Variants in PLAGL1 observed in about 807,000 individuals in gnomAD.
PLAGL1 encodes PLAG1 like zinc finger 1, also known as zinc finger protein PLAGL1.
Under a neutral mutation model 4.6 loss-of-function variants are expected in PLAGL1, and 1 was observed. The ratio of observed to expected loss-of-function variants is 0.22; its 90% confidence interval spans 0.08 to 1.03. The LOEUF (loss-of-function observed/expected upper bound fraction) is 1.03. PLAGL1 is among the 50% of genes least tolerant of loss of function. PLAGL1 has a pLI of 0.58. For synonymous variants in PLAGL1, 240 were observed against 237.8 expected, an observed-to-expected ratio of 1.01 and a Z score of -0.08; for missense variants, 464 against 570.4, an observed-to-expected ratio of 0.81 and a Z score of 1.90.
intron 1 of PLAGL1, among the ~76,000 whole-genome samples, chr6:144,032,330 C>T (rs932253154): frequency 2.0e-5 from 3 of 147,744 alleles, no homozygotes; most frequent in Non-Finnish European, 4.5e-5. Flanking sequence ...CACTATGTTG[C>T]CCAGGCTGGT....
chr6:143,950,915 C>T lies in PLAGL1; in HGVS notation c.-324-2455G>A, dbSNP rs1027494604. Among the ~76,000 whole-genome samples, 2 of 152,204 alleles carry T rather than the reference C, an allele frequency of 1.3e-5. No homozygotes were observed. Among genetic ancestry groups the T allele is most frequent in the African/African-American group, 4.8e-5 (2 of 41,450 alleles). ...CTTTAATTTAAATTGCCACATAGTG[C>T]CAGTGGCTGCTGTCCTGGACGGCAC... On this transcript the variant is annotated intron_variant, in intron 6 of 7. Transcript: ENST00000674357. This position sits in a 1 kb window ranked among gnomAD's most constrained non-coding sequence, Gnocchi z 6.3.
chr6:143,964,208 C>T lies in PLAGL1; in HGVS notation c.-399+579G>A, dbSNP rs554853010. Among the ~76,000 whole-genome samples the T allele has an allele frequency of 6.6e-6, 1 of 152,142 alleles. No homozygotes were observed. Among genetic ancestry groups the T allele is most frequent in the Non-Finnish European group, 1.5e-5 (1 of 68,010 alleles). On this transcript the variant is annotated intron_variant, in intron 5 of 7. Transcript: ENST00000674357. This position sits in a 1 kb window ranked among gnomAD's most constrained non-coding sequence, Gnocchi z 4.3. ...AGAAGACAGCTACGTGAAGAGTGTG[C>T]CTCGGGAGGCCAGACCTGAGGCAGG...
At position 143,945,906 on chromosome 6, in the gene PLAGL1, G is replaced by A. The variant is rs1028692548; in HGVS notation, c.152+2079C>T. On this transcript the variant is annotated intron_variant, in intron 7 of 7. Transcript: ENST00000674357. The surrounding 1 kb of genome is among the most constrained non-coding windows in gnomAD (Gnocchi z 4.2). ...AGGCGGTTCTTGCATAAAGTACACT[G>A]ACAGCTTCCCTTTTTGCCTCTCTTT... is the stretch of plus-strand genomic sequence containing the variant. Among the ~76,000 whole-genome samples, 26 of 152,184 alleles carry A rather than the reference G, an allele frequency of 1.7e-4. No homozygotes were observed. Among genetic ancestry groups the A allele is most frequent in the Non-Finnish European group, 2.8e-4 (19 of 68,032 alleles).
chr6:143,955,011 C>T lies in PLAGL1; in HGVS notation c.-325+5458G>A, dbSNP rs917937843. The stretch of plus-strand genomic sequence containing the variant: ...AAGAGACAATATGCAAGACTGGAAT[C>T]ATGGACAGGATATATTCAAAGATGT... On this transcript the variant is annotated intron_variant, in intron 6 of 7. Transcript: ENST00000674357. The surrounding 1 kb of genome is among the most constrained non-coding windows in gnomAD (Gnocchi z 4.9). 6.6e-6 allele frequency among the ~76,000 whole-genome samples: 1 copy of T among 152,110 alleles called. No homozygotes were observed. The highest frequency in any genetic ancestry group is 1.5e-5 in the Non-Finnish European group (1 of 68,020).
At position 144,000,892 on chromosome 6, in the gene PLAGL1, A is replaced by C. The variant is rs79542134; in HGVS notation, c.-584+7198T>G. Among the ~76,000 whole-genome samples the C allele has an allele frequency of 0.047, 7,132 of 152,192 alleles. 535 individuals are homozygous for C. The highest frequency in any genetic ancestry group is 0.15 in the African/African-American group (6,308 of 41,506). ...TATTTGTAATTCTTCATGTCATCAA[A>C]CTAAGAAAAGTCATAATCTCAATAG... On this transcript the variant is annotated intron_variant, in intron 1 of 7. Coordinates refer to ENST00000674357, the MANE Select transcript of PLAGL1 (RefSeq NM_001317162.2). This position sits in a 1 kb window ranked among gnomAD's most constrained non-coding sequence, Gnocchi z 4.1.
intron 1 of PLAGL1, among the ~76,000 whole-genome samples, chr6:144,028,403 GTAAC>G (rs1478476307): frequency 6.6e-6 from 1 of 152,166 alleles, no homozygotes; most frequent in South Asian, 2.1e-4. Flanking sequence ...TGTGTAAACT[GTAAC>G]TCAGTAAAGC....
chr6:144,025,548 C>CT (rs1429545305), intron 1 of PLAGL1, among the ~76,000 whole-genome samples: 1 of 152,120 alleles, frequency 6.6e-6, no homozygotes, highest in Non-Finnish European at 1.5e-5. Flanking sequence ...GCCTTTGCAA[C>CT]TTTTTTGTAA....
In PLAGL1 at chr6:143,994,875, G is replaced by A. The variant is rs12525347; in HGVS notation, c.-583-9701C>T. Among the ~76,000 whole-genome samples the A allele has an allele frequency of 6.6e-6, 1 of 152,090 alleles. No individual in the cohort carries two copies. The highest frequency in any genetic ancestry group is 1.5e-5 in the Non-Finnish European group (1 of 67,998). Reference sequence around the variant, plus strand: ...TCAGTTTCTGATGTGTTTGCTCTTAGCAAATTTGCATTAATTTCAGATTTT... The same window carrying A: ...TCAGTTTCTGATGTGTTTGCTCTTAACAAATTTGCATTAATTTCAGATTTT... On this transcript the variant is annotated intron_variant, in intron 1 of 7. Coordinates refer to ENST00000674357, the MANE Select transcript of PLAGL1 (RefSeq NM_001317162.2). The surrounding 1 kb of genome is among the most constrained non-coding windows in gnomAD (Gnocchi z 4.3).
chr6:143,986,020 C>T (rs1321694549), intron 1 of PLAGL1, among the ~76,000 whole-genome samples: 1 of 91,428 alleles, frequency 1.1e-5, no homozygotes, highest in Non-Finnish European at 2.3e-5. Context: ...ATCATTTAAT[C>T]CTTTTACCAA....
At chr6:144,043,613 C>T (rs1270487748) in intron 1 of PLAGL1, among the ~76,000 whole-genome samples, 1 of 152,146 alleles carries the variant, frequency 6.6e-6, no homozygotes, top group Non-Finnish European at 1.5e-5. Context: ...CGATGTTCAT[C>T]AGGGATATTG....
Position 144,063,826 on chromosome 6 carries a change from G to A in PLAGL1, c.-151+642C>T, listed in dbSNP as rs1029944726. On this transcript the variant is annotated intron_variant, in intron 1 of 3. Transcript: ENST00000437412. This position sits in a 1 kb window ranked among gnomAD's most constrained non-coding sequence, Gnocchi z 5.7. ...CGTGTCCTGCCCGCCCCCATCAGGG[G>A]AGTCCTGCTCTCGAAATTATCCCGC... 3.3e-5 allele frequency among the ~76,000 whole-genome samples: 5 copies of A among 152,184 alleles called. No individual in the cohort carries two copies. Among genetic ancestry groups the A allele is most frequent in the African/African-American group, 1.2e-4 (5 of 41,456 alleles).
chr6:144,062,973 C>T lies in PLAGL1; in HGVS notation c.-151+1495G>A, dbSNP rs146808600. Among the ~76,000 whole-genome samples, 690 of 152,218 alleles carry T rather than the reference C, an allele frequency of 4.5e-3. 6 individuals carry two copies. The highest frequency in any genetic ancestry group is 0.022 in the Admixed American group (344 of 15,296). ...TGAGAAGAGGAAGCAGAAATGGTGC[C>T]TTTTTCAAACCATCCTCCACCGGCT... On this transcript the variant is annotated intron_variant, in intron 1 of 3. Coordinates refer to the PLAGL1 transcript ENST00000437412.
intron 1 of PLAGL1, among the ~76,000 whole-genome samples, chr6:144,057,494 G>A (rs1415049390): frequency 2.0e-5 from 3 of 152,182 alleles, no homozygotes; most frequent in Admixed American, 1.3e-4. Context: ...GTGCCACTGT[G>A]GCATGCTGCA....
At position 144,039,876 on chromosome 6, in the gene PLAGL1, A is replaced by C. The variant is rs564802429; in HGVS notation, c.-151+24592T>G. Among the ~76,000 whole-genome samples, 1 of 152,330 alleles carries C rather than the reference A, an allele frequency of 6.6e-6. No homozygotes were observed. The highest frequency in any genetic ancestry group is 2.1e-4 in the South Asian group (1 of 4,824). On this transcript the variant is annotated intron_variant, in intron 1 of 3. Transcript: ENST00000437412. This position sits in a 1 kb window ranked among gnomAD's most constrained non-coding sequence, Gnocchi z 4.1. ...AAAGGCCAAAAGGTCTATCAACAAG[A>C]AAATTAATACATTGTGGCACATAAT...
In PLAGL1 at chr6:144,059,063, G is replaced by T. The variant is rs1204430493; in HGVS notation, c.-151+5405C>A. 6.6e-6 allele frequency among the ~76,000 whole-genome samples: 1 copy of T among 152,134 alleles called. No homozygotes were observed. Among genetic ancestry groups the T allele is most frequent in the African/African-American group, 2.4e-5 (1 of 41,424 alleles). On this transcript the variant is annotated intron_variant, in intron 1 of 3. Coordinates refer to the PLAGL1 transcript ENST00000437412. This position sits in a 1 kb window ranked among gnomAD's most constrained non-coding sequence, Gnocchi z 4.9. ...TGCCCTACTAGAGTTTCTCTTCAGGGTCTCCACCCCTACAGCAGGCTTCTG... is the reference window on the plus strand; with the variant it reads ...TGCCCTACTAGAGTTTCTCTTCAGGTTCTCCACCCCTACAGCAGGCTTCTG...
intron 1 of PLAGL1, among the ~76,000 whole-genome samples, chr6:144,030,517 T>A (rs1478093154): frequency 1.3e-5 from 2 of 152,078 alleles, no homozygotes; most frequent in African/African-American, 4.8e-5. Context: ...TTCCCCCAAG[T>A]CCCCAAAGTC....
chr6:143,956,011 G>C (rs1782041203), intron 6 of PLAGL1, among the ~76,000 whole-genome samples: 1 of 152,238 alleles, frequency 6.6e-6, no homozygotes, highest in African/African-American at 2.4e-5. Context: ...GCTTAATGGT[G>C]CCTAATGGGC....
chr6:144,063,916 C>A lies in PLAGL1; in HGVS notation c.-151+552G>T, dbSNP rs1160324918. On this transcript the variant is annotated intron_variant, in intron 1 of 3. Coordinates refer to the PLAGL1 transcript ENST00000437412. This position sits in a 1 kb window ranked among gnomAD's most constrained non-coding sequence, Gnocchi z 5.7. ...TCTTTTCTCCCGGAGTCTGCGGGGA[C>A]CTCCCCGCCGCAACTCGGTCACTTT... 6.6e-6 allele frequency among the ~76,000 whole-genome samples: 1 copy of A among 152,186 alleles called. No individual in the cohort carries two copies. The highest frequency in any genetic ancestry group is 1.5e-5 in the Non-Finnish European group (1 of 68,032).
intron 1 of PLAGL1, among the ~76,000 whole-genome samples, chr6:144,054,776 A>AGT (rs55975441): frequency 0.098 from 13,871 of 141,984 alleles, 634 homozygotes; most frequent in Middle Eastern, 0.11. Flanking sequence ...ACTAAAAAAG[A>AGT]GTGTGTGTGT....
Sources: allele counts gnomAD v4.1 joint callset (sites outside exome capture counted in the v4.1 genomes callset), GRCh38; gene constraint gnomAD v4.1.1; non-coding constraint Gnocchi (gnomAD v3.1); transcripts MANE v1.5; gene names NCBI Gene and HGNC (gene_info 2026-07-23, HGNC 2026-07-21).